The following DOCK3 variants were observed in gnomAD, a reference collection of about 807,000 sequenced individuals.
DOCK3 encodes the protein dedicator of cytokinesis protein 3.
A neutral mutation model predicts 265.6 loss-of-function variants in DOCK3; 60 were observed. The ratio of observed to expected loss-of-function variants is 0.23; its 90% CI spans 0.18 to 0.28. The LOEUF is 0.28. DOCK3 is among the 10% of genes least tolerant of loss of function. The pLI is 1.00. For synonymous variants in DOCK3, 881 were observed against 938.0 expected (o/e 0.94, Z 1.11); for missense variants, 1,981 against 2,594.3 (o/e 0.76, Z 5.14).
At chr3:50,865,769 ACAGCATG>A (rs1346784544) in intron 3 of DOCK3, among the ~76,000 whole-genome samples, 1 of 152,194 alleles carries the variant, frequency 6.6e-6, no homozygotes, top group Non-Finnish European at 1.5e-5. Flanking sequence ...ATTCCCACCA[ACAGCATG>A]CAAGGGTTCC....
At chr3:50,919,042 G>A (rs1299111794) in intron 4 of DOCK3, among the ~76,000 whole-genome samples, 1 of 152,002 alleles carries the variant, frequency 6.6e-6, no homozygotes, top group African/African-American at 2.4e-5. Context: ...TCTTGTTTTT[G>A]TCAGGTTTGT....
intron 41 of DOCK3, 26 bp from the exon 42 acceptor site, chr3:51,356,063 G>A: frequency 6.2e-7 from 1 of 1,613,412 alleles, no homozygotes; most frequent in East Asian, 2.2e-5. Flanking sequence ...TGGCAAGTCT[G>A]TGTTTCTCCT....
At chr3:51,195,696 G>A (rs1267654651) in intron 12 of DOCK3, among the ~76,000 whole-genome samples, 1 of 152,134 alleles carries the variant, frequency 6.6e-6, no homozygotes, top group Non-Finnish European at 1.5e-5. Flanking sequence ...GGGATTACAG[G>A]CCTGAGCCAC....
At chr3:51,164,623 CAA>C (rs11399207) in intron 12 of DOCK3, among the ~76,000 whole-genome samples, 184 of 106,400 alleles carry the variant, frequency 1.7e-3, no homozygotes, top group South Asian at 6.4e-3. Flanking sequence ...GACTCCGTCT[CAA>C]AAAAAAAAAA....
chr3:51,015,518 A>G (rs1037909490), intron 5 of DOCK3, among the ~76,000 whole-genome samples: 2 of 150,796 alleles, frequency 1.3e-5, no homozygotes, highest in African/African-American at 4.9e-5. Flanking sequence ...TGTGTTGTTA[A>G]ATTTGGTTTG....
chr3:51,151,682 GC>G (rs2085605794), intron 10 of DOCK3, among the ~76,000 whole-genome samples: 1 of 152,304 alleles, frequency 6.6e-6, no homozygotes, highest in Admixed American at 6.5e-5. Context: ...CTCTTGTAAG[GC>G]AGGCCTGGTG....
At chr3:51,231,643 A>G (rs899202759) in intron 19 of DOCK3, among the ~76,000 whole-genome samples, 7 of 152,144 alleles carry the variant, frequency 4.6e-5, no homozygotes, top group Non-Finnish European at 8.8e-5. Context: ...AGTTCCTTAT[A>G]TATTCTGGAT....
At chr3:50,856,046 A>T (rs1575368748) in intron 3 of DOCK3, among the ~76,000 whole-genome samples, 2 of 152,224 alleles carry the variant, frequency 1.3e-5, no homozygotes, top group African/African-American at 4.8e-5. Flanking sequence ...ATAGTATTCC[A>T]TGGTGTATAT....
chr3:51,150,758 T>G (rs1472027998), intron 10 of DOCK3, among the ~76,000 whole-genome samples: 4 of 152,234 alleles, frequency 2.6e-5, no homozygotes, highest in Admixed American at 1.3e-4. Flanking sequence ...TACTTCCAAC[T>G]ATGTGTTCAA....
chr3:51,222,219 G>A (rs373684874), intron 14 of DOCK3, among the ~76,000 whole-genome samples: 8 of 152,112 alleles, frequency 5.3e-5, no homozygotes, highest in Non-Finnish European at 1.0e-4. Context: ...CTCTCTCCTG[G>A]TAATATTTCC....
chr3:51,190,917 A>G (rs2087900916), intron 12 of DOCK3, among the ~76,000 whole-genome samples: 1 of 152,146 alleles, frequency 6.6e-6, no homozygotes, highest in South Asian at 2.1e-4. Flanking sequence ...CAGGTGGTTT[A>G]CTGGCCACTG....
At chr3:51,329,047 G>C (rs923479102) in intron 32 of DOCK3, among the ~76,000 whole-genome samples, 1 of 152,144 alleles carries the variant, frequency 6.6e-6, no homozygotes, top group Non-Finnish European at 1.5e-5. Flanking sequence ...CAGCTACTCA[G>C]GAGGCTGAGG....
At chr3:51,134,486 T>C (rs2084705210) in intron 9 of DOCK3, among the ~76,000 whole-genome samples, 1 of 152,196 alleles carries the variant, frequency 6.6e-6, no homozygotes, top group Admixed American at 6.5e-5. Context: ...TTTCTGCTTG[T>C]TCTTAATCAA....
intron 9 of DOCK3, among the ~76,000 whole-genome samples, chr3:51,093,561 T>C (rs767284582): frequency 2.0e-5 from 3 of 152,248 alleles, no homozygotes; most frequent in Admixed American, 6.5e-5. Flanking sequence ...AAGTTACTTA[T>C]CAGCTTAAGG....
intron 4 of DOCK3, among the ~76,000 whole-genome samples, chr3:50,900,489 A>G (rs1288882559): frequency 2.0e-5 from 3 of 152,134 alleles, no homozygotes; most frequent in Non-Finnish European, 2.9e-5. Flanking sequence ...CAATTTGTCA[A>G]ACTCATTCTC....
chr3:50,776,542 T>C (rs765645488), intron 1 of DOCK3, among the ~76,000 whole-genome samples: 5 of 152,162 alleles, frequency 3.3e-5, no homozygotes, highest in Admixed American at 6.5e-5. Context: ...ACTCTGTTGA[T>C]TATTTCTTTT....
intron 5 of DOCK3, among the ~76,000 whole-genome samples, chr3:51,050,825 T>C (rs1027876761): frequency 1.3e-5 from 2 of 152,130 alleles, no homozygotes; most frequent in African/African-American, 4.8e-5. Flanking sequence ...CCAGAAAAAA[T>C]ATTTTACTAG....
intron 4 of DOCK3, among the ~76,000 whole-genome samples, chr3:50,897,828 G>A (rs1284335441): frequency 1.8e-5 from 2 of 114,216 alleles, no homozygotes; most frequent in African/African-American, 3.5e-5. Flanking sequence ...GGATGAAGCC[G>A]ACTTGATCAT....
intron 3 of DOCK3, among the ~76,000 whole-genome samples, chr3:50,861,821 A>G (rs533455302): frequency 1.5e-5 from 2 of 134,710 alleles, no homozygotes; most frequent in Non-Finnish European, 3.1e-5. Context: ...TTTGGGTGTC[A>G]TTACATATGA....
Sources: gnomAD v4.1 joint callset for allele counts (sites outside exome capture counted in the v4.1 genomes callset) on GRCh38, gnomAD v4.1.1 for gene constraint, MANE v1.5 for transcripts, NCBI Gene and HGNC (gene_info 2026-07-23, HGNC 2026-07-21) for gene names.